The following DAB1 variants were observed in gnomAD, a reference collection of about 807,000 sequenced individuals.
The protein encoded by DAB1 is disabled homolog 1.
A neutral mutation model predicts 64.6 loss-of-function variants in DAB1; 15 were observed. The observed-to-expected ratio is 0.23, with a 90% CI of 0.16 to 0.36. DAB1 has a LOEUF of 0.36. Among genes scored for constraint, DAB1 ranks in the 10% least tolerant of loss-of-function variants. The pLI is 1.00. For synonymous variants in DAB1, 235 were observed against 251.9 expected (o/e 0.93, Z 0.64); for missense variants, 596 against 706.7 (o/e 0.84, Z 1.78).
chr1:57,384,599 T>C (rs1456696229), intron 1 of DAB1, among the ~76,000 whole-genome samples: 1 of 152,182 alleles, frequency 6.6e-6, no homozygotes, highest in African/African-American at 2.4e-5. Context: ...AGGAAGGAAA[T>C]TCTAACACAT....
At chr1:57,557,655 G>C (rs1570624716) in intron 7 of DAB1, among the ~76,000 whole-genome samples, 3 of 152,210 alleles carry the variant, frequency 2.0e-5, no homozygotes, top group East Asian at 1.9e-4. Flanking sequence ...ATTTCTAATA[G>C]TATGGAGAAC....
intron 7 of DAB1, among the ~76,000 whole-genome samples, chr1:57,447,793 GCCAGGCAGGACTCCTTTAGGT>G (rs1686201473): frequency 6.6e-6 from 1 of 152,138 alleles, no homozygotes. Flanking sequence ...TCAGCAGCCA[GCCAGGCAGGACTCCTTTAGGT>G]TGTGGTCAGA....
At chr1:57,569,893 G>A (rs373743458) in intron 7 of DAB1, among the ~76,000 whole-genome samples, 2 of 152,084 alleles carry the variant, frequency 1.3e-5, no homozygotes, top group Non-Finnish European at 2.9e-5. Flanking sequence ...CCCGTTGTAC[G>A]AAGGATAGTT....
chr1:58,030,052 A>C (rs985290034), intron 5 of DAB1, among the ~76,000 whole-genome samples: 3 of 152,012 alleles, frequency 2.0e-5, no homozygotes, highest in Admixed American at 6.6e-5. Context: ...CTAAAAATAC[A>C]AAAATTAGCC....
intron 7 of DAB1, among the ~76,000 whole-genome samples, chr1:57,549,577 G>A (rs1028729894): frequency 2.0e-5 from 3 of 152,124 alleles, no homozygotes; most frequent in African/African-American, 7.2e-5. Context: ...GTCCATCAAG[G>A]ACAATCTTTA....
At chr1:57,344,522 G>T (rs1228942116) in intron 1 of DAB1, among the ~76,000 whole-genome samples, 2 of 152,062 alleles carry the variant, frequency 1.3e-5, no homozygotes, top group Non-Finnish European at 2.9e-5. Context: ...TACACAATTA[G>T]TTCAAACGGT....
chr1:58,120,184 T>A (rs1652654072), intron 5 of DAB1, among the ~76,000 whole-genome samples: 1 of 152,062 alleles, frequency 6.6e-6, no homozygotes, highest in Non-Finnish European at 1.5e-5. Flanking sequence ...ACTCTCTGAG[T>A]CACGATTTCC....
At chr1:57,616,708 C>T (rs1328729700) in intron 7 of DAB1, among the ~76,000 whole-genome samples, 2 of 152,116 alleles carry the variant, frequency 1.3e-5, no homozygotes, top group Admixed American at 6.5e-5. Context: ...TCTGTGATGG[C>T]CGTATCTATC....
chr1:57,515,025 C>T (rs1022612891), intron 7 of DAB1, among the ~76,000 whole-genome samples: 1 of 152,030 alleles, frequency 6.6e-6, no homozygotes, highest in East Asian at 1.9e-4. Flanking sequence ...GTAAAATTTT[C>T]CCGTGGAAGA....
chr1:57,973,127 G>C (rs2100314546), intron 5 of DAB1, among the ~76,000 whole-genome samples: 1 of 152,332 alleles, frequency 6.6e-6, no homozygotes, highest in South Asian at 2.1e-4. Context: ...TAATCAGAGA[G>C]AGTAATAGGG....
At chr1:57,560,701 C>G (rs1372967342) in intron 7 of DAB1, among the ~76,000 whole-genome samples, 1 of 152,088 alleles carries the variant, frequency 6.6e-6, no homozygotes, top group African/African-American at 2.4e-5. Context: ...TGCTGTGCCA[C>G]TTGGGCCATA....
intron 7 of DAB1, among the ~76,000 whole-genome samples, chr1:57,616,123 T>A (rs1645788285): frequency 6.6e-6 from 1 of 152,132 alleles, no homozygotes; most frequent in Admixed American, 6.5e-5. Flanking sequence ...ATTTGCTCAC[T>A]CACCACTTCC....
At chr1:57,789,275 C>T (rs1650480206) in intron 6 of DAB1, among the ~76,000 whole-genome samples, 1 of 152,160 alleles carries the variant, frequency 6.6e-6, no homozygotes, top group South Asian at 2.1e-4. Flanking sequence ...GACCACTCAA[C>T]TGGCTTCTTG....
chr1:57,395,772 AGTATAGAGG>A (rs1376855034), intron 1 of DAB1, among the ~76,000 whole-genome samples: 2 of 143,516 alleles, frequency 1.4e-5, no homozygotes, highest in African/African-American at 5.6e-5. Context: ...AGCATTCTTA[AGTATAGAGG>A]CTCCCATGGC....
intron 5 of DAB1, among the ~76,000 whole-genome samples, chr1:57,939,811 T>C (rs1298225000): frequency 2.0e-5 from 3 of 152,192 alleles, no homozygotes; most frequent in African/African-American, 4.8e-5. Flanking sequence ...CAGTAAAGAA[T>C]GAGGCCAGCT....
intron 3 of DAB1, among the ~76,000 whole-genome samples, chr1:58,447,203 T>A (rs895440408): frequency 1.3e-5 from 2 of 152,206 alleles, no homozygotes; most frequent in African/African-American, 4.8e-5. Flanking sequence ...AAGGGTTTGC[T>A]TGACTGTCAT....
intron 7 of DAB1, among the ~76,000 whole-genome samples, chr1:57,429,432 C>CTG (rs1413631767): frequency 1.3e-5 from 2 of 152,132 alleles, no homozygotes; most frequent in Non-Finnish European, 2.9e-5. Flanking sequence ...TTCTCCCATT[C>CTG]TGTAGGTTGC....
At chr1:57,920,267 GGGAGCCTGCTCTGTAA>G (rs1201492485) in intron 5 of DAB1, among the ~76,000 whole-genome samples, 4 of 152,172 alleles carry the variant, frequency 2.6e-5, no homozygotes, top group Non-Finnish European at 5.9e-5. Flanking sequence ...TCCAGGAACA[GGGAGCCTGCTCTGTAA>G]GAGAGACAGC....
intron 2 of DAB1, among the ~76,000 whole-genome samples, chr1:57,222,219 C>T (rs1436961916): frequency 1.3e-5 from 2 of 152,136 alleles, no homozygotes; most frequent in South Asian, 4.1e-4. Context: ...ATAGTCTGTC[C>T]TTTAGTCTTT....
Sources: allele counts gnomAD v4.1 joint callset (sites outside exome capture counted in the v4.1 genomes callset), GRCh38; gene constraint gnomAD v4.1.1; transcripts MANE v1.5; gene names NCBI Gene and HGNC (gene_info 2026-07-23, HGNC 2026-07-21).